Variants in GK observed in about 807,000 individuals in gnomAD.
GK encodes ATP:glycerol 3-phosphotransferase.
Under a neutral mutation model 56.4 loss-of-function variants are expected in GK, and 9 were observed. The ratio of observed to expected loss-of-function variants is 0.16; its 90% confidence interval spans 0.10 to 0.28. GK has a LOEUF of 0.28. GK is among the 10% of genes least tolerant of loss of function. The pLI is 1.00. For missense variants in GK, 161 were observed against 431.4 expected (o/e 0.37, Z 5.55); for synonymous variants, 104 against 144.1 (o/e 0.72, Z 1.99).
At chrX:30,671,025 C>T (rs1933452504) in intron 3 of GK, among the ~76,000 whole-genome samples, 1 of 108,219 alleles carries the variant, frequency 9.2e-6, no homozygotes. Context: ...CACAGTGGCT[C>T]ACGCGTGTAA....
intron 1 of GK, among the ~76,000 whole-genome samples, chrX:30,663,165 G>A (rs1016556245): frequency 8.1e-5 from 9 of 110,750 alleles, no homozygotes; most frequent in African/African-American, 1.3e-4. Context: ...GTCAGCCACC[G>A]CGCCCGGCCA....
chrX:30,707,013 T>C (rs1354674665), intron 11 of GK, among the ~76,000 whole-genome samples: 5 of 111,959 alleles, frequency 4.5e-5, no homozygotes, highest in Non-Finnish European at 9.4e-5. Context: ...AAACACTAAA[T>C]ACTATATCTG....
chrX:30,683,093 T>C (rs370953116), intron 4 of GK, among the ~76,000 whole-genome samples: 7 of 111,612 alleles, frequency 6.3e-5, no homozygotes, highest in South Asian at 3.7e-4. Context: ...CTTTGTATGT[T>C]TTCTTCCTTC....
chrX:30,720,767 C>T (rs1424752996), intron 17 of GK, 26 bp downstream of exon 17: 3 of 1,207,954 alleles, frequency 2.5e-6, no homozygotes, highest in Non-Finnish European at 3.4e-6. Flanking sequence ...TTCCTTTAAA[C>T]TCCCAGAGTA....
intron 4 of GK, among the ~76,000 whole-genome samples, chrX:30,688,501 C>CA (rs34773549): frequency 0.14 from 4,468 of 32,727 alleles, 222 homozygotes; most frequent in Non-Finnish European, 0.2. Context: ...GACTCTGTCT[C>CA]AAAAAAAAAA....
chrX:30,718,211 T>C (rs1174510318), intron 13 of GK, among the ~76,000 whole-genome samples: 1 of 112,002 alleles, frequency 8.9e-6, no homozygotes, highest in Non-Finnish European at 1.9e-5. Context: ...GGCAATATAT[T>C]TCTAAGTGAT....
chrX:30,719,289 C>T, intron 14 of GK, 130 bp from the exon 15 acceptor site: 1 of 479,912 alleles, frequency 2.1e-6, no homozygotes, highest in Non-Finnish European at 3.7e-6. Context: ...TAGTTAGCAA[C>T]ATTTTGCTCT....
intron 3 of GK, among the ~76,000 whole-genome samples, chrX:30,675,522 T>C (rs1449782325): frequency 1.9e-5 from 2 of 103,321 alleles, no homozygotes; most frequent in Non-Finnish European, 3.9e-5. Flanking sequence ...TATTCTTCTT[T>C]TTTTTTTTTT....
At chrX:30,692,057 G>T (rs767383900) in intron 5 of GK, among the ~76,000 whole-genome samples, 1 of 107,099 alleles carries the variant, frequency 9.3e-6, no homozygotes, top group Non-Finnish European at 2.0e-5. Flanking sequence ...GCGTCTAAAA[G>T]GAAGTTCCCT....
In GK at chrX:30,722,487, C is replaced by T. The variant is rs1488287263; in HGVS notation, c.1501+1492C>T. 3.6e-5 allele frequency among the ~76,000 whole-genome samples: 4 copies of T among 112,002 alleles called. No homozygotes were observed. The Admixed American group carries it at 3.8e-4, about 11-fold the overall frequency. On this transcript the variant is annotated intron_variant, in intron 18 of 20. Transcript: ENST00000427190. ...TCCATTCTTAGGGGAGCCATCTTTG[C>T]TGGTGTTGAAGGCCTTAGCCTGGGG... is the stretch of plus-strand genomic sequence containing the variant.
chrX:30,698,895 TAGC>T (rs900317918), intron 9 of GK, among the ~76,000 whole-genome samples: 3 of 82,933 alleles, frequency 3.6e-5, no homozygotes, highest in Non-Finnish European at 7.2e-5. Flanking sequence ...GAAAAGAAAA[TAGC>T]AGGTTTTGAA....
At chrX:30,682,039 T>C (rs967573253) in intron 4 of GK, among the ~76,000 whole-genome samples, 1 of 111,495 alleles carries the variant, frequency 9.0e-6, no homozygotes, top group Non-Finnish European at 1.9e-5. Context: ...TGTTTATACA[T>C]TGGATAGGGC....
At chrX:30,667,178 A>T (rs184890780) in intron 2 of GK, among the ~76,000 whole-genome samples, 57 of 110,941 alleles carry the variant, frequency 5.1e-4, no homozygotes, top group African/African-American at 1.5e-3. Flanking sequence ...TTAAAAAATT[A>T]AAAAAAAATT....
At chrX:30,667,451 C>G (rs1320926345) in intron 2 of GK, among the ~76,000 whole-genome samples, 3 of 111,629 alleles carry the variant, frequency 2.7e-5, no homozygotes, top group Non-Finnish European at 5.6e-5. Flanking sequence ...GGTCTGAGAA[C>G]TTGGACCAAT....
At chrX:30,694,656 C>G in intron 6 of GK, 119 bp downstream of exon 6, 1 of 598,388 alleles carries the variant, frequency 1.7e-6, no homozygotes, top group East Asian at 3.5e-5. Context: ...TGAAGAAAAA[C>G]CACTCAAAAA....
At chrX:30,668,790 G>T (rs1933261092) in intron 3 of GK, among the ~76,000 whole-genome samples, 2 of 111,671 alleles carry the variant, frequency 1.8e-5, no homozygotes, top group South Asian at 7.4e-4. Flanking sequence ...TCTGACTGCT[G>T]TGTGGAGAGT....
At chrX:30,718,659 C>G (rs1418606268) in intron 14 of GK, 43 bp downstream of exon 14, 1 of 801,037 alleles carries the variant, frequency 1.2e-6, no homozygotes, top group East Asian at 3.2e-5. Flanking sequence ...TGAAAAATGA[C>G]ACATTTCAGT....
At chrX:30,728,221 A>C (rs1937223275) in intron 20 of GK, among the ~76,000 whole-genome samples, 2 of 111,626 alleles carry the variant, frequency 1.8e-5, no homozygotes, top group Non-Finnish European at 3.8e-5. Flanking sequence ...AATCTTATTA[A>C]TTTATAATAG....
intron 13 of GK, among the ~76,000 whole-genome samples, chrX:30,713,024 G>A (rs1036426285): frequency 1.8e-5 from 2 of 111,507 alleles, no homozygotes; most frequent in Non-Finnish European, 3.8e-5. Flanking sequence ...GTGAGCCACC[G>A]CGCCCGGCCT....
Sources: gnomAD v4.1 joint callset for allele counts (sites outside exome capture counted in the v4.1 genomes callset) on GRCh38, gnomAD v4.1.1 for gene constraint, MANE v1.5 for transcripts, NCBI Gene and HGNC (gene_info 2026-07-23, HGNC 2026-07-21) for gene names.